Variants in TENM3 observed in about 807,000 individuals in gnomAD.
TENM3 encodes teneurin transmembrane protein 3, also known as teneurin-3.
Under a neutral mutation model 255.1 loss-of-function variants are expected in TENM3, and 63 were observed. That is an observed-to-expected ratio of 0.25 (90% CI 0.20 to 0.30). The LOEUF is 0.30. Ranked by LOEUF, TENM3 falls within the 10% of genes least tolerant of loss-of-function variation. TENM3 has a pLI of 1.00. For synonymous variants in TENM3, 1,306 were observed against 1,322.3 expected (o/e 0.99, Z 0.27); for missense variants, 2,929 against 3,461.1 (o/e 0.85, Z 3.86).
chr4:181,679,455 A>G, the TENM3 span, among the ~76,000 whole-genome samples: 117,765 of 151,604 alleles, frequency 0.78, 46,099 homozygotes, highest in Admixed American at 0.87. Context: ...AAAATAAAAC[A>G]TTTTTTCTTA....
At chr4:181,978,978 A>G in the TENM3 span, among the ~76,000 whole-genome samples, 4 of 96,168 alleles carry the variant, frequency 4.2e-5, no homozygotes, top group East Asian at 1.0e-3. Context: ...TGCTTAAGTG[A>G]AAAAAAAAAA....
At chr4:182,119,085 C>T in the TENM3 span, among the ~76,000 whole-genome samples, 1 of 152,146 alleles carries the variant, frequency 6.6e-6, no homozygotes, top group Non-Finnish European at 1.5e-5. Context: ...CATTGCTTCT[C>T]AGCCCTCCCT....
chr4:182,650,935 G>T (rs1753225510), intron 5 of TENM3, among the ~76,000 whole-genome samples: 1 of 131,068 alleles, frequency 7.6e-6, no homozygotes, highest in African/African-American at 2.6e-5. Flanking sequence ...AAACAAAGCT[G>T]TTGCCTATCT....
chr4:182,075,542 A>G, the TENM3 span, among the ~76,000 whole-genome samples: 28 of 152,256 alleles, frequency 1.8e-4, no homozygotes, highest in South Asian at 5.8e-3. Flanking sequence ...TGGACAAAGC[A>G]AGACCTGTCT....
the TENM3 span, among the ~76,000 whole-genome samples, chr4:181,686,289 A>G: frequency 1.3e-5 from 2 of 152,194 alleles, no homozygotes; most frequent in African/African-American, 2.4e-5. Context: ...TTTGAGATGA[A>G]CATTTTCTTT....
the TENM3 span, among the ~76,000 whole-genome samples, chr4:181,938,480 C>A: frequency 1.3e-5 from 2 of 152,158 alleles, no homozygotes; most frequent in African/African-American, 4.8e-5. Context: ...ACAAAACACT[C>A]AATAAATTGT....
chr4:182,115,087 A>G, the TENM3 span, among the ~76,000 whole-genome samples: 4 of 152,296 alleles, frequency 2.6e-5, no homozygotes, highest in African/African-American at 9.6e-5. Flanking sequence ...AGGCTGAGGC[A>G]GAAGAATTGC....
chr4:181,840,628 T>A, the TENM3 span, among the ~76,000 whole-genome samples: 2 of 152,140 alleles, frequency 1.3e-5, no homozygotes, highest in East Asian at 3.9e-4. Context: ...CAACATATGA[T>A]ATAGAGTATT....
the TENM3 span, among the ~76,000 whole-genome samples, chr4:181,559,107 AT>A: frequency 2.6e-5 from 4 of 152,120 alleles, no homozygotes; most frequent in South Asian, 2.1e-4. Context: ...TAAAAAAAAA[AT>A]GATATACAAT....
intron 3 of TENM3, among the ~76,000 whole-genome samples, chr4:182,396,125 A>C (rs978055748): frequency 1.3e-5 from 2 of 152,138 alleles, no homozygotes; most frequent in African/African-American, 4.8e-5. Flanking sequence ...GTACCTGTGC[A>C]GGTTTGTTAC....
the TENM3 span, among the ~76,000 whole-genome samples, chr4:181,574,356 C>T: frequency 1.4e-4 from 21 of 151,746 alleles, no homozygotes; most frequent in Non-Finnish European, 2.5e-4. Flanking sequence ...AAGGTGAAAC[C>T]CCGTCTCTAC....
the TENM3 span, among the ~76,000 whole-genome samples, chr4:182,100,520 C>CAT: frequency 3.6e-5 from 5 of 140,534 alleles, no homozygotes; most frequent in South Asian, 2.2e-4. Flanking sequence ...TATATACACA[C>CAT]ATATATATAC....
At chr4:181,709,982 A>C in the TENM3 span, among the ~76,000 whole-genome samples, 14 of 152,214 alleles carry the variant, frequency 9.2e-5, no homozygotes, top group Non-Finnish European at 1.6e-4. Context: ...AAGAATCAGT[A>C]ATTTACTCTG....
chr4:182,293,725 G>A (rs936162776), intron 1 of TENM3, among the ~76,000 whole-genome samples: 1 of 151,914 alleles, frequency 6.6e-6, no homozygotes, highest in East Asian at 1.9e-4. Context: ...CTGGTAACCC[G>A]CTGCCTCCTC....
intron 3 of TENM3, among the ~76,000 whole-genome samples, chr4:182,545,398 A>G (rs893503552): frequency 9.9e-5 from 15 of 151,964 alleles, no homozygotes; most frequent in Admixed American, 3.3e-4. Context: ...ACCCAGGTCT[A>G]AGCCACTCTC....
At chr4:181,516,870 T>TAA in the TENM3 span, among the ~76,000 whole-genome samples, 1 of 152,156 alleles carries the variant, frequency 6.6e-6, no homozygotes, top group Non-Finnish European at 1.5e-5. Context: ...TTTAACACCT[T>TAA]AGAGTAAATA....
chr4:182,728,733 A>G (rs1254265889), intron 13 of TENM3, among the ~76,000 whole-genome samples: 3 of 152,190 alleles, frequency 2.0e-5, no homozygotes, highest in South Asian at 2.1e-4. Flanking sequence ...AAAATACAGC[A>G]TTATTATCTA....
chr4:182,132,272 G>C, the TENM3 span, among the ~76,000 whole-genome samples: 1 of 152,008 alleles, frequency 6.6e-6, no homozygotes, highest in East Asian at 1.9e-4. Context: ...GAGGTCAGGA[G>C]TTCAAGACCA....
intron 3 of TENM3, among the ~76,000 whole-genome samples, chr4:182,446,253 G>T (rs1429522283): frequency 2.6e-5 from 4 of 152,038 alleles, no homozygotes; most frequent in Admixed American, 6.6e-5. Context: ...AATTAGTTTT[G>T]TATTCAGAAA....
Sources: gnomAD v4.1 joint callset for allele counts (sites outside exome capture counted in the v4.1 genomes callset) on GRCh38, gnomAD v4.1.1 for gene constraint, MANE v1.5 for transcripts, NCBI Gene and HGNC (gene_info 2026-07-23, HGNC 2026-07-21) for gene names.